Variants in PNRC2 observed in about 807,000 individuals in gnomAD.
The protein encoded by PNRC2 is proline rich nuclear receptor coactivator 2.
PNRC2 carries 2 observed loss-of-function variants against 12.2 expected under a neutral mutation model. That is an observed-to-expected ratio of 0.16 (90% confidence interval 0.07 to 0.52). The LOEUF is 0.52. Ranked by LOEUF, PNRC2 falls within the 20% of genes least tolerant of loss-of-function variation. The probability of loss-of-function intolerance (pLI) is 0.95; values close to 1 mark genes in which losing one functional copy is unlikely to be tolerated. For synonymous variants in PNRC2, 44 were observed against 53.9 expected, an observed-to-expected ratio of 0.82 and a Z score of 0.80; for missense variants, 115 against 158.4, an observed-to-expected ratio of 0.73 and a Z score of 1.47.
chr1:23,959,943 G>A lies in PNRC2; in HGVS notation c.-280G>A, dbSNP rs373856360. 6.6e-6 allele frequency: 1 copy of A among 152,300 alleles called. No individual in the cohort carries two copies. The highest frequency in any genetic ancestry group is 2.4e-5 in the African/African-American group (1 of 41,474). The allele number at this position is 152,300 out of a possible 1,614,324, so 9.4% of individuals were successfully genotyped here. ...GCCTCGTCTCTCCCTGGAAAGGGAG[G>A]GAGGCTTCGACGTCGAGAGGGAGCC... On this transcript the variant is annotated 5_prime_UTR_variant, in exon 1 of 3. Transcript: ENST00000334351.
In PNRC2 at chr1:23,961,879, A is replaced by G. The variant is rs1363442700; in HGVS notation, c.*2A>G. On this transcript the variant is annotated 3_prime_UTR_variant, in exon 3 of 3. Transcript: ENST00000334351. ...ACCTTACTTAAAGTACAGGTATAAAATAAGACAAATGTTTAAATTTAGTTA... is the reference window on the plus strand; with the variant it reads ...ACCTTACTTAAAGTACAGGTATAAAGTAAGACAAATGTTTAAATTTAGTTA... 196 of 1,503,072 alleles carry G rather than the reference A, an allele frequency of 1.3e-4. No individual in the cohort carries two copies. Among genetic ancestry groups the G allele is most frequent in the Non-Finnish European group, 1.7e-4 (192 of 1,100,528 alleles). 93.1% of individuals were successfully genotyped at this position (1,503,072 alleles called of 1,614,324 possible).
rs1441800861 is a variant in PNRC2, at chr1:23,962,809, G to T, written c.*932G>T. 53 of 166,824 alleles carry T rather than the reference G, an allele frequency of 3.2e-4. No homozygotes were observed. The highest frequency in any genetic ancestry group is 6.5e-4 in the Admixed American group (10 of 15,272). The allele number at this position is 166,824 out of a possible 1,614,324, so 10.3% of individuals were successfully genotyped here. A position where few individuals can be genotyped will look rare whatever the true frequency, so the allele number is the denominator to read the frequency against. ...CCAAAATAACTTGTTTTTAAAGTTT[G>T]CCCTTGTGCTAAAGTGCCAGTGTAT... On this transcript the variant is annotated 3_prime_UTR_variant, in exon 3 of 3. Transcript: ENST00000334351.
At chr1:23,961,304 A>T in intron 2 of PNRC2, 136 bp from the exon 3 acceptor site, 1 of 597,392 alleles carries the variant, frequency 1.7e-6, no homozygotes, top group Non-Finnish European at 2.8e-6. Flanking sequence ...TTTTGAGTTT[A>T]AAGCAGCTGA....
At chr1:23,959,538 C>A (rs1223082951), upstream of PNRC2, among the ~76,000 whole-genome samples, 1 of 152,106 alleles carries the variant, frequency 6.6e-6, no homozygotes, top group Non-Finnish European at 1.5e-5. Context: ...GAGAGCCGAG[C>A]GGTAGGAAGA....
chr1:23,961,470 G>C lies in PNRC2; in HGVS notation c.13G>C (p.Glu5Gln), dbSNP rs980881893. The C allele has an allele frequency of 1.2e-6, 2 of 1,606,434 alleles. No individual in the cohort carries two copies. Among genetic ancestry groups the C allele is most frequent in the African/African-American group, 1.3e-5 (1 of 74,216 alleles). MGGG[E>Q]RYNIPAPQSR... is the part of the protein sequence containing the mutation. ...AAAGAAGCTGAAGATGGGTGGTGGAGAGAGGTATAACATTCCAGCCCCTCA... is the reference window on the plus strand; with the variant it reads ...AAAGAAGCTGAAGATGGGTGGTGGACAGAGGTATAACATTCCAGCCCCTCA... The change falls in exon 3 of 3, where the codon GAG (glutamate) becomes CAG (glutamine). Residue 5 changes from glutamate to glutamine, a missense_variant. Transcript: ENST00000334351.
In PNRC2 at chr1:23,959,849, A is replaced by C. The variant is rs1298011474; in HGVS notation, c.-374A>C. ...TTTTGTCGGTAGAGGCAGAAGGAGA[A>C]GGTCGGGTTGTAGAAGCTGGGGTGG... On this transcript the variant is annotated 5_prime_UTR_variant, in exon 1 of 3. Transcript: ENST00000334351. 2 of 152,414 alleles carry C rather than the reference A, an allele frequency of 1.3e-5. No individual in the cohort carries two copies. The highest frequency in any genetic ancestry group is 1.9e-4 in the East Asian group (1 of 5,182). 9.4% of individuals were successfully genotyped at this position (152,414 alleles called of 1,614,324 possible).
rs1237039238 is a variant in PNRC2, at chr1:23,960,989, C to T, written c.-164C>T. 1 of 400,590 alleles carries T rather than the reference C, an allele frequency of 2.5e-6. No homozygotes were observed. Among genetic ancestry groups the T allele is most frequent in the Non-Finnish European group, 4.4e-6 (1 of 227,050 alleles). The allele number at this position is 400,590 out of a possible 1,614,324, so 24.8% of individuals were successfully genotyped here. On this transcript the variant is annotated 5_prime_UTR_variant, in exon 2 of 3. Coordinates refer to ENST00000334351, the MANE Select transcript of PNRC2 (RefSeq NM_017761.4). Reference sequence around the variant, plus strand: ...TCAGATGTTGGCCTCAGCTCCTAGGCTGAACTCAGCAGATCGGCCCATGAA... The same window carrying T: ...TCAGATGTTGGCCTCAGCTCCTAGGTTGAACTCAGCAGATCGGCCCATGAA...
At chr1:23,961,404 G>A (rs1384544861) in intron 2 of PNRC2, 36 bp from the exon 3 acceptor site, 1 of 1,439,842 alleles carries the variant, frequency 6.9e-7, no homozygotes, top group East Asian at 2.3e-5. Context: ...TTTCTTAATG[G>A]AATTTTACTC....
rs1213319706 is a variant in PNRC2, at chr1:23,962,125, G to A, written c.*248G>A. On this transcript the variant is annotated 3_prime_UTR_variant, in exon 3 of 3. Coordinates refer to ENST00000334351, the MANE Select transcript of PNRC2 (RefSeq NM_017761.4). Reference sequence around the variant, plus strand: ...AAGTTTAGATTTGGGGAGTGGTAAAGGAATCAGCTTTTTCTATTGTTAGGG... The same window carrying A: ...AAGTTTAGATTTGGGGAGTGGTAAAAGAATCAGCTTTTTCTATTGTTAGGG... 1 of 346,066 alleles carries A rather than the reference G, an allele frequency of 2.9e-6. No homozygotes were observed. Among genetic ancestry groups the A allele is most frequent in the African/African-American group, 2.1e-5 (1 of 47,212 alleles). 21.4% of individuals were successfully genotyped at this position (346,066 alleles called of 1,614,324 possible).
intron 1 of PNRC2, among the ~76,000 whole-genome samples, chr1:23,960,228 C>G (rs1641251084): frequency 6.6e-6 from 1 of 152,214 alleles, no homozygotes; most frequent in Non-Finnish European, 1.5e-5. Context: ...GAATTACTCA[C>G]AGTCCGGAAA....
At position 23,961,875 on chromosome 1, in the gene PNRC2, T is replaced by A; in HGVS notation, c.418T>A (p.Ter140LysextTer6). The change falls in exon 3 of 3, where the codon TAA becomes AAA. Residue 140 changes from the stop codon to lysine, a stop_lost. Transcript: ENST00000334351. The stretch of plus-strand genomic sequence containing the variant: ...TAAAACCTTACTTAAAGTACAGGTA[T>A]AAAATAAGACAAATGTTTAAATTTA... Reference protein sequence around the residue: ...QLKTLLKVQV* With the variant: ...QLKTLLKVQVK 1 of 1,515,686 alleles carries A rather than the reference T, an allele frequency of 6.6e-7. No individual in the cohort carries two copies. Among genetic ancestry groups the A allele is most frequent in the East Asian group, 2.3e-5 (1 of 44,254 alleles). The allele number at this position is 1,515,686 out of a possible 1,614,324, so 93.9% of individuals were successfully genotyped here.
chr1:23,961,057 A>G lies in PNRC2; in HGVS notation c.-96A>G, dbSNP rs897717821. On this transcript the variant is annotated 5_prime_UTR_variant, in exon 2 of 3. Transcript: ENST00000334351. ...AAAGGAAGGGATCTGTCAGAAAGCA[A>G]CACTTGTTATCTTGGGCTTGGCAGC... 1.5e-5 allele frequency: 6 copies of G among 407,638 alleles called. No homozygotes were observed. The highest frequency in any genetic ancestry group is 1.2e-4 in the African/African-American group (6 of 48,676). 25.3% of individuals were successfully genotyped at this position (407,638 alleles called of 1,614,324 possible). A position where few individuals can be genotyped will look rare whatever the true frequency, so the allele number is the denominator to read the frequency against.
chr1:23,963,080 GTTTTGT>G lies in PNRC2; in HGVS notation c.*1212_*1217del, dbSNP rs2075019863. The G allele has an allele frequency of 6.0e-6, 1 of 166,938 alleles. No homozygotes were observed. Among genetic ancestry groups the G allele is most frequent in the Admixed American group, 6.6e-5 (1 of 15,236 alleles). 10.3% of individuals were successfully genotyped at this position (166,938 alleles called of 1,614,324 possible). On this transcript the variant is annotated 3_prime_UTR_variant, in exon 3 of 3. Transcript: ENST00000334351. Reference sequence around the variant, plus strand: ...TAGTTTCGAGTATGGTGCCAGTGATGTTTTGTTTTTGTTTGGTCAAGGGGTAGGTGC... The same window carrying G: ...TAGTTTCGAGTATGGTGCCAGTGATGTTTTGTTTGGTCAAGGGGTAGGTGC...
rs1230841094 is a variant in PNRC2 at position 23,960,013 on chromosome 1, C to A, written c.-225+15C>A. 1 of 152,216 alleles carries A rather than the reference C, an allele frequency of 6.6e-6. No individual in the cohort carries two copies. The highest frequency in any genetic ancestry group is 1.5e-5 in the Non-Finnish European group (1 of 68,042). The allele number at this position is 152,216 out of a possible 1,614,324, so 9.4% of individuals were successfully genotyped here. ...GCTTGAAGTCAGTAAGTAGCGGCTG[C>A]GCTAAGGGCGCGGCCATGTTGGTGG... On this transcript the variant is annotated intron_variant, in intron 1 of 2. Transcript: ENST00000334351.
chr1:23,961,609 C>T lies in PNRC2; in HGVS notation c.152C>T (p.Ser51Leu). 3 of 1,613,932 alleles carry T rather than the reference C, an allele frequency of 1.9e-6. No homozygotes were observed. The highest frequency in any genetic ancestry group is 2.5e-6 in the Non-Finnish European group (3 of 1,179,832). ...AAAGAAAGAGGACATGGTTATAACT[C>T]ATCAGCAGCTGCCTGGCAGGCCATG... is the stretch of plus-strand genomic sequence containing the variant. ...KKKERGHGYNSSAAAWQAMQN... is the reference protein window; with the variant it reads ...KKKERGHGYNLSAAAWQAMQN... The change falls in exon 3 of 3, where the codon TCA becomes TTA. Residue 51 changes from serine (S) to leucine (L), a missense_variant. This residue lies in a region of PNRC2 where 98 missense variants were observed against 112.4 expected (regional missense o/e 0.87). Transcript: ENST00000334351.
rs369387860 is a variant in PNRC2 at position 23,962,198 on chromosome 1, G to A, written c.*321G>A. 6.2e-5 allele frequency: 13 copies of A among 210,216 alleles called. No individual in the cohort carries two copies. In the South Asian group the frequency reaches 1.3e-3, roughly 21 times the overall value. The allele number at this position is 210,216 out of a possible 1,614,324, so 13.0% of individuals were successfully genotyped here. A position where few individuals can be genotyped will look rare whatever the true frequency, so the allele number is the denominator to read the frequency against. On this transcript the variant is annotated 3_prime_UTR_variant, in exon 3 of 3. Transcript: ENST00000334351. ...TGGACCAGTAGATTGTTGAAAGTTG[G>A]TGAATCGGATTATAAGCTTCTAGCT...
rs201235780 is a variant in PNRC2, at chr1:23,961,977, TA to T, written c.*108del. The T allele has an allele frequency of 3.6e-5, 25 of 696,052 alleles. No individual in the cohort carries two copies. Among genetic ancestry groups the T allele is most frequent in the East Asian group, 5.5e-5 (2 of 36,388 alleles). The allele number at this position is 696,052 out of a possible 1,614,324, so 43.1% of individuals were successfully genotyped here. A position where few individuals can be genotyped will look rare whatever the true frequency, so the allele number is the denominator to read the frequency against. ...TCTATTTGTGTAGAACTAATTAATG[TA>T]AAAAAAATAGACCATCTCGTGTTGT... On this transcript the variant is annotated 3_prime_UTR_variant, in exon 3 of 3. Coordinates refer to ENST00000334351, the MANE Select transcript of PNRC2 (RefSeq NM_017761.4).
Position 23,961,470 on chromosome 1 carries a change from G to A in PNRC2, c.13G>A (p.Glu5Lys), listed in dbSNP as rs980881893. The A allele has an allele frequency of 1.6e-5, 25 of 1,606,554 alleles. No homozygotes were observed. In the South Asian group the frequency reaches 2.1e-4, roughly 14 times the overall value. MGGG[E>K]RYNIPAPQSR... ...AAAGAAGCTGAAGATGGGTGGTGGAGAGAGGTATAACATTCCAGCCCCTCA... is the reference window on the plus strand; with the variant it reads ...AAAGAAGCTGAAGATGGGTGGTGGAAAGAGGTATAACATTCCAGCCCCTCA... Residue 5 changes from glutamate (E) to lysine (K), a missense_variant, in exon 3 of 3, where the codon GAG becomes AAG. This residue lies in a region of PNRC2 where 98 missense variants were observed against 112.4 expected (regional missense o/e 0.87). Coordinates refer to ENST00000334351, the MANE Select transcript of PNRC2 (RefSeq NM_017761.4).
intron 1 of PNRC2, among the ~76,000 whole-genome samples, chr1:23,960,598 C>G (rs1641259025): frequency 6.6e-6 from 1 of 152,262 alleles, no homozygotes; most frequent in Admixed American, 6.5e-5. Context: ...CGCCTGAAGC[C>G]AATTTTTTGA....
Sources: allele counts gnomAD v4.1 joint callset (sites outside exome capture counted in the v4.1 genomes callset), GRCh38; gene constraint gnomAD v4.1.1; regional missense constraint gnomAD v4.1.1; transcripts MANE v1.5; gene names NCBI Gene and HGNC (gene_info 2026-07-23, HGNC 2026-07-21).